COP1: variants seen among roughly 807,000 people sequenced by gnomAD.
The protein encoded by COP1 is COP1 E3 ubiquitin ligase.
In COP1, 24 loss-of-function variants were observed where a neutral mutation model predicts 101.3. The ratio of observed to expected loss-of-function variants is 0.24; its 90% CI spans 0.17 to 0.33. The LOEUF (loss-of-function observed/expected upper bound fraction) is 0.33. Among genes scored for constraint, COP1 ranks in the 10% least tolerant of loss-of-function variants. The pLI is 1.00. For synonymous variants in COP1, 347 were observed against 341.9 expected, an observed-to-expected ratio of 1.01 and a Z score of -0.17; for missense variants, 663 against 906.2, an observed-to-expected ratio of 0.73 and a Z score of 3.45.
intron 9 of COP1, among the ~76,000 whole-genome samples, chr1:176,090,373 G>T (rs774148044): frequency 5.9e-5 from 9 of 152,116 alleles, no homozygotes; most frequent in Non-Finnish European, 1.0e-4. Context: ...ACTCATTTTG[G>T]TTTTTTCGGC....
intron 5 of COP1, among the ~76,000 whole-genome samples, chr1:176,153,523 G>A (rs1451120908): frequency 6.6e-6 from 1 of 152,168 alleles, no homozygotes; most frequent in African/African-American, 2.4e-5. Flanking sequence ...ATAGAACCAT[G>A]TCATCTGCAA....
intron 11 of COP1, among the ~76,000 whole-genome samples, chr1:176,058,336 G>A (rs1341105678): frequency 6.6e-6 from 1 of 152,200 alleles, no homozygotes; most frequent in East Asian, 1.9e-4. Flanking sequence ...AGGGGGAAAG[G>A]TGGGGAAAAG....
intron 5 of COP1, among the ~76,000 whole-genome samples, chr1:176,160,899 T>C (rs746722902): frequency 6.6e-6 from 1 of 152,186 alleles, no homozygotes; most frequent in Admixed American, 6.5e-5. Flanking sequence ...TTAAAAATTA[T>C]AGTTTTCTCC....
At chr1:176,004,294 C>T (rs1226475175) in intron 15 of COP1, among the ~76,000 whole-genome samples, 1 of 145,328 alleles carries the variant, frequency 6.9e-6, no homozygotes, top group African/African-American at 2.5e-5. Flanking sequence ...ATGTCATCTG[C>T]AAACAGGGAC....
intron 2 of COP1, among the ~76,000 whole-genome samples, chr1:176,184,131 T>G (rs1347209415): frequency 6.6e-6 from 1 of 152,168 alleles, no homozygotes; most frequent in Non-Finnish European, 1.5e-5. Context: ...TTCGGTATTA[T>G]GTAAATTTTA....
At chr1:176,012,264 G>T (rs1664818797) in intron 15 of COP1, among the ~76,000 whole-genome samples, 1 of 152,198 alleles carries the variant, frequency 6.6e-6, no homozygotes, top group Non-Finnish European at 1.5e-5. Flanking sequence ...CTTCCAGGCA[G>T]CTGGGACTAC....
rs1403159250 is a variant in COP1, at chr1:175,967,520, CA to C, written c.2133+19422del. Among the ~76,000 whole-genome samples, 236 of 126,526 alleles carry C rather than the reference CA, an allele frequency of 1.9e-3. 3 individuals are homozygous for C. The highest frequency in any genetic ancestry group is 6.1e-3 in the African/African-American group (225 of 37,068). The allele number at this position is 126,526 out of a possible 152,430, so 83.0% of individuals were successfully genotyped here. A position where few individuals can be genotyped will look rare whatever the true frequency, so the allele number is the denominator to read the frequency against. On this transcript the variant is annotated intron_variant, in intron 18 of 19. Coordinates refer to ENST00000367669, the MANE Select transcript of COP1 (RefSeq NM_022457.7). ...ACAAACAAACAAACAAACAAACAAA[CA>C]AACCCAGCTGTGGCTGCTGTAAGTT...
intron 15 of COP1, among the ~76,000 whole-genome samples, chr1:176,019,509 C>A (rs1221787267): frequency 7.3e-6 from 1 of 136,700 alleles, no homozygotes; most frequent in Non-Finnish European, 1.6e-5. Flanking sequence ...TAATAATAAC[C>A]ATCATCATCA....
At chr1:176,163,042 G>C in intron 4 of COP1, 54 bp from the exon 5 acceptor site, 1 of 1,518,832 alleles carries the variant, frequency 6.6e-7, no homozygotes, top group Non-Finnish European at 8.9e-7. Context: ...CTGTTTTAGA[G>C]ACTAAAACAA....
intron 15 of COP1, among the ~76,000 whole-genome samples, chr1:176,007,327 G>C (rs776128453): frequency 8.0e-4 from 122 of 152,280 alleles, no homozygotes; most frequent in Middle Eastern, 6.8e-3. Context: ...ATCGTCTGAA[G>C]CCTTCTTCTC....
chr1:176,055,495 C>A (rs999821987), intron 11 of COP1, among the ~76,000 whole-genome samples: 2 of 152,190 alleles, frequency 1.3e-5, no homozygotes, highest in African/African-American at 4.8e-5. Context: ...TTGTACCTCA[C>A]CATCTTTTTA....
At chr1:175,965,117 G>A (rs563172056) in intron 18 of COP1, among the ~76,000 whole-genome samples, 1 of 152,018 alleles carries the variant, frequency 6.6e-6, no homozygotes, top group African/African-American at 2.4e-5. Context: ...CTTCAGGGTG[G>A]GCTGTTACTA....
intron 9 of COP1, 25 bp from the exon 10 acceptor site, chr1:176,085,915 A>G: frequency 7.6e-7 from 1 of 1,317,982 alleles, no homozygotes; most frequent in Non-Finnish European, 1.1e-6. Context: ...AAAGACACAA[A>G]ACTTAGAATA....
At chr1:176,079,218 C>A (rs113138284) in intron 11 of COP1, among the ~76,000 whole-genome samples, 6 of 151,846 alleles carry the variant, frequency 4.0e-5, no homozygotes, top group African/African-American at 1.5e-4. Flanking sequence ...TTCACAGTAA[C>A]GAAGACATGT....
chr1:176,205,655 T>C (rs2039230), intron 1 of COP1, among the ~76,000 whole-genome samples: 108,554 of 152,084 alleles, frequency 0.71, 39,495 homozygotes, highest in African/African-American at 0.86. Context: ...ATATCTAAAA[T>C]CCAATAAAAA....
chr1:176,094,218 C>A (rs1022615190), intron 9 of COP1, among the ~76,000 whole-genome samples: 23 of 151,992 alleles, frequency 1.5e-4, no homozygotes, highest in Non-Finnish European at 2.8e-4. Context: ...CAATTATTTT[C>A]CTGTATTTAT....
chr1:176,058,133 G>GGT lies in COP1; in HGVS notation c.1278-11811_1278-11810dup, dbSNP rs1265830249. 6.4e-5 allele frequency among the ~76,000 whole-genome samples: 3 copies of GGT among 46,700 alleles called. 1 individual carries two copies. The highest frequency in any genetic ancestry group is 3.1e-4 in the Admixed American group (1 of 3,240). 30.6% of individuals were successfully genotyped at this position (46,700 alleles called of 152,430 possible). Reference sequence around the variant, plus strand: ...AGCCACCCCGTCGGGAGGGAGGTGGGGTGGGGGGGGGGTCAGCCCCCGCCC... The same window carrying GGT: ...AGCCACCCCGTCGGGAGGGAGGTGGGGTGTGGGGGGGGGGTCAGCCCCCGCCC... On this transcript the variant is annotated intron_variant, in intron 11 of 19. Coordinates refer to ENST00000367669, the MANE Select transcript of COP1 (RefSeq NM_022457.7).
intron 10 of COP1, among the ~76,000 whole-genome samples, chr1:176,085,280 G>T (rs569573597): frequency 6.6e-6 from 1 of 151,316 alleles, no homozygotes; most frequent in Non-Finnish European, 1.5e-5. Flanking sequence ...ACTATCAGTT[G>T]TATTAGTGGA....
rs1696866765 is a variant in COP1 at position 176,175,900 on chromosome 1, A to G, written c.565+10T>C. ...ATATTTTTAAAATAAAAATCATTCC[A>G]AAGACTCACCCAAGAAATTAGGATA... is the stretch of plus-strand genomic sequence containing the variant. On this transcript the variant is annotated intron_variant, in intron 3 of 19. Coordinates refer to ENST00000367669, the MANE Select transcript of COP1 (RefSeq NM_022457.7). 7.0e-7 allele frequency: 1 copy of G among 1,419,292 alleles called. No homozygotes were observed. Among genetic ancestry groups the G allele is most frequent in the Non-Finnish European group, 9.8e-7 (1 of 1,017,980 alleles). The allele number at this position is 1,419,292 out of a possible 1,614,324, so 87.9% of individuals were successfully genotyped here. A position where few individuals can be genotyped will look rare whatever the true frequency, so the allele number is the denominator to read the frequency against.
Sources: allele counts gnomAD v4.1 joint callset (sites outside exome capture counted in the v4.1 genomes callset), GRCh38; gene constraint gnomAD v4.1.1; transcripts MANE v1.5; gene names NCBI Gene and HGNC (gene_info 2026-07-23, HGNC 2026-07-21).